Variants in ATRN observed in about 807,000 individuals in gnomAD.
ATRN encodes the protein attractin, also known as attractin-2.
A neutral mutation model predicts 178.7 loss-of-function variants in ATRN; 54 were observed. That is an observed-to-expected ratio of 0.30 (90% CI 0.24 to 0.38). The LOEUF is 0.38. Ranked by LOEUF, ATRN falls within the 10% of genes least tolerant of loss-of-function variation. The pLI is 1.00. For missense variants in ATRN, 1,443 were observed against 1,815.1 expected (o/e 0.79, Z 3.73); for synonymous variants, 636 against 663.0 (o/e 0.96, Z 0.63).
At chr20:3,616,911 T>C (rs925491720) in intron 24 of ATRN, among the ~76,000 whole-genome samples, 1 of 150,032 alleles carries the variant, frequency 6.7e-6, no homozygotes, top group African/African-American at 2.4e-5. Flanking sequence ...GCAGAGTGTC[T>C]GTTTCCACTA....
chr20:3,495,802 G>GAT (rs1416788898), intron 1 of ATRN, among the ~76,000 whole-genome samples: 1 of 151,448 alleles, frequency 6.6e-6, no homozygotes, highest in South Asian at 2.1e-4. Flanking sequence ...GCAGAACAGT[G>GAT]GTATTGTACA....
intron 24 of ATRN, among the ~76,000 whole-genome samples, chr20:3,617,825 C>T (rs1328489715): frequency 6.6e-6 from 1 of 152,150 alleles, no homozygotes; most frequent in African/African-American, 2.4e-5. Context: ...TTCGCCTTTA[C>T]AGGAAGTACA....
rs766393963 is a variant in ATRN at position 3,471,054 on chromosome 20, G to T, written c.-54G>T. On this transcript the variant is annotated 5_prime_UTR_variant, in exon 1 of 29. Coordinates refer to ENST00000262919, the MANE Select transcript of ATRN (RefSeq NM_139321.3). ...CCGCACGGCCAGGCGAAGCGGAGCC[G>T]GCCGTGCGGTGTGTGTGTATGTGTT... is the stretch of plus-strand genomic sequence containing the variant. The T allele has an allele frequency of 4.8e-6, 7 of 1,451,666 alleles. No homozygotes were observed. Among genetic ancestry groups the T allele is most frequent in the Non-Finnish European group, 5.4e-6 (6 of 1,108,100 alleles). 89.9% of individuals were successfully genotyped at this position (1,451,666 alleles called of 1,614,324 possible).
intron 15 of ATRN, 134 bp downstream of exon 15, chr20:3,578,906 C>G: frequency 1.3e-6 from 1 of 743,166 alleles, no homozygotes; most frequent in Admixed American, 3.1e-5. Flanking sequence ...GTGAACGCAG[C>G]CTGAGGGACT....
chr20:3,602,963 CAAAAAAAAAAAAAAA>C (rs3842439), intron 23 of ATRN, among the ~76,000 whole-genome samples: 83 of 40,874 alleles, frequency 2.0e-3, no homozygotes, highest in East Asian at 0.01. Context: ...AATTCCATCT[CAAAAAAAAAAAAAAA>C]AAAAAAAAAA....
At chr20:3,598,524 G>C (rs552266199) in intron 22 of ATRN, among the ~76,000 whole-genome samples, 109 of 152,252 alleles carry the variant, frequency 7.2e-4, no homozygotes, top group Admixed American at 1.6e-3. Context: ...GGCTTAGTCG[G>C]GTCCATTAAG....
intron 24 of ATRN, among the ~76,000 whole-genome samples, chr20:3,623,687 C>G (rs2086914440): frequency 6.6e-6 from 1 of 152,128 alleles, no homozygotes; most frequent in Admixed American, 6.5e-5. Context: ...TAAAAAAAAG[C>G]AGGCAGCGCA....
chr20:3,578,636 C>G lies in ATRN; in HGVS notation c.2408C>G (p.Thr803Ser). ...GTTGGAAACTCATGTTTGAAAATTA[C>G]TACTGCCAAGGAGAATTATGACAAT... ...HLVGNSCLKI[T>S]TAKENYDNAK... Residue 803 changes from threonine (T) to serine (S), a missense_variant, in exon 15 of 29, where the codon ACT (threonine) becomes AGT (serine). Physicochemically the swap from Thr to Ser is moderately conservative, Grantham distance 58. Transcript: ENST00000262919. 8.7e-6 allele frequency: 14 copies of G among 1,613,176 alleles called. No homozygotes were observed. The highest frequency in any genetic ancestry group is 1.2e-5 in the Non-Finnish European group (14 of 1,179,476).
intron 11 of ATRN, among the ~76,000 whole-genome samples, chr20:3,568,912 C>T (rs184854391): frequency 4.6e-5 from 7 of 152,168 alleles, no homozygotes; most frequent in Non-Finnish European, 5.9e-5. Flanking sequence ...TAACATAAGG[C>T]ACAAAAATGC....
chr20:3,577,995 T>C (rs1169501153), intron 14 of ATRN, among the ~76,000 whole-genome samples: 1 of 152,206 alleles, frequency 6.6e-6, no homozygotes, highest in African/African-American at 2.4e-5. Context: ...CAGTACCTTG[T>C]GTGGGTTCAG....
chr20:3,635,792 G>T (rs1338002931), intron 26 of ATRN, among the ~76,000 whole-genome samples: 1 of 151,520 alleles, frequency 6.6e-6, no homozygotes, highest in African/African-American at 2.4e-5. Context: ...TATCATAGAG[G>T]GAATGTTGCA....
intron 12 of ATRN, among the ~76,000 whole-genome samples, chr20:3,575,347 A>C (rs552911915): frequency 2.4e-4 from 37 of 152,316 alleles, no homozygotes; most frequent in African/African-American, 8.9e-4. Context: ...TCTTGAATTT[A>C]CACGCATGTA....
chr20:3,540,436 A>G, intron 3 of ATRN, 101 bp downstream of exon 3: 1 of 721,922 alleles, frequency 1.4e-6, no homozygotes. Flanking sequence ...TTATCACTTA[A>G]CACATTTATT....
At position 3,595,506 on chromosome 20, in the gene ATRN, A is replaced by C. The variant is rs541737734; in HGVS notation, c.3417-871A>C. On this transcript the variant is annotated intron_variant, in intron 20 of 28. Coordinates refer to ENST00000262919, the MANE Select transcript of ATRN (RefSeq NM_139321.3). ...ATCTGCATATATGTTTACTAGCTTC[A>C]TGTTGCCCTAAAGCCAATATGTGAA... is the stretch of plus-strand genomic sequence containing the variant. 1.1e-4 allele frequency among the ~76,000 whole-genome samples: 17 copies of C among 152,314 alleles called. No homozygotes were observed. The South Asian group carries it at 3.1e-3, about 28-fold the overall frequency.
chr20:3,518,277 C>T (rs112482178), intron 1 of ATRN, among the ~76,000 whole-genome samples: 2,116 of 152,244 alleles, frequency 0.014, 51 homozygotes, highest in African/African-American at 0.048. Context: ...AAATTTCTAC[C>T]GGTTGCTCCC....
chr20:3,611,471 G>A (rs185077336), intron 24 of ATRN, among the ~76,000 whole-genome samples: 1 of 152,328 alleles, frequency 6.6e-6, no homozygotes, highest in East Asian at 1.9e-4. Context: ...GCCAGGTGTG[G>A]TTCACACCTG....
At chr20:3,629,167 C>T (rs1387055393) in intron 25 of ATRN, 12 of 985,294 alleles carry the variant, frequency 1.2e-5, no homozygotes, top group African/African-American at 3.5e-5. Flanking sequence ...ATCACAGTCT[C>T]GCCTGGACCT....
intron 1 of ATRN, among the ~76,000 whole-genome samples, chr20:3,530,418 C>G (rs2085437554): frequency 6.7e-6 from 1 of 150,212 alleles, no homozygotes; most frequent in South Asian, 2.1e-4. Context: ...CACTTGCCAC[C>G]ATGCCTGGCT....
At chr20:3,594,788 C>T (rs1444097865) in intron 20 of ATRN, among the ~76,000 whole-genome samples, 1 of 152,172 alleles carries the variant, frequency 6.6e-6, no homozygotes, top group Non-Finnish European at 1.5e-5. Context: ...CTTAATGGCT[C>T]TTGAATTCAC....
Sources: allele counts gnomAD v4.1 joint callset (sites outside exome capture counted in the v4.1 genomes callset), GRCh38; gene constraint gnomAD v4.1.1; transcripts MANE v1.5; gene names NCBI Gene and HGNC (gene_info 2026-07-23, HGNC 2026-07-21).